Variants in ASTN2 observed in about 807,000 individuals in gnomAD.
ASTN2 encodes astrotactin 2.
Under a neutral mutation model 139.8 loss-of-function variants are expected in ASTN2, and 54 were observed. The observed-to-expected ratio is 0.39, with a 90% CI of 0.31 to 0.48. The LOEUF is 0.48. ASTN2 is among the 20% of genes least tolerant of loss of function. ASTN2 has a pLI of 0.95. For synonymous variants in ASTN2, 756 were observed against 719.5 expected (o/e 1.05, Z -0.81); for missense variants, 1,565 against 1,725.1 (o/e 0.91, Z 1.64).
intron 1 of ASTN2, among the ~76,000 whole-genome samples, chr9:117,412,560 T>G (rs1831197796): frequency 6.6e-6 from 1 of 152,152 alleles, no homozygotes; most frequent in African/African-American, 2.4e-5. Context: ...GGGGCACCTA[T>G]ACAGATGGTT....
chr9:117,400,040 T>C (rs575422578), intron 1 of ASTN2, among the ~76,000 whole-genome samples: 9 of 152,358 alleles, frequency 5.9e-5, no homozygotes, highest in African/African-American at 1.4e-4. Context: ...TGTAGGCACA[T>C]GGGATTCTGC....
chr9:117,234,843 T>A (rs1832998345), intron 2 of ASTN2, among the ~76,000 whole-genome samples: 1 of 152,196 alleles, frequency 6.6e-6, no homozygotes, highest in Non-Finnish European at 1.5e-5. Context: ...GTTTCCATTG[T>A]CAGACTCAAG....
intron 5 of ASTN2, among the ~76,000 whole-genome samples, chr9:117,052,581 C>T (rs887895405): frequency 2.0e-5 from 3 of 152,256 alleles, no homozygotes; most frequent in Non-Finnish European, 4.4e-5. Context: ...TGTTTGCACT[C>T]AAGAGACCAC....
At chr9:116,480,774 G>A (rs912266113) in intron 20 of ASTN2, among the ~76,000 whole-genome samples, 1 of 152,176 alleles carries the variant, frequency 6.6e-6, no homozygotes, top group Non-Finnish European at 1.5e-5. Flanking sequence ...TAGAGGCAAA[G>A]ACCTTGAGGA....
intron 2 of ASTN2, among the ~76,000 whole-genome samples, chr9:117,264,972 T>C (rs1181301018): frequency 1.3e-5 from 2 of 152,178 alleles, no homozygotes; most frequent in African/African-American, 4.8e-5. Flanking sequence ...AAGTAAGAAA[T>C]GTAGGCTCAG....
intron 20 of ASTN2, among the ~76,000 whole-genome samples, chr9:116,461,178 T>C (rs1848474803): frequency 6.6e-6 from 1 of 151,688 alleles, no homozygotes; most frequent in South Asian, 2.1e-4. Context: ...CCCAGCTTTA[T>C]TTTTCCTTCA....
intron 4 of ASTN2, among the ~76,000 whole-genome samples, chr9:117,120,790 G>A (rs1011161458): frequency 3.3e-5 from 5 of 152,330 alleles, no homozygotes; most frequent in East Asian, 1.9e-4. Flanking sequence ...GTCTCATCCT[G>A]TAGGTAATGG....
chr9:116,635,899 C>T (rs1857049924), intron 17 of ASTN2, among the ~76,000 whole-genome samples: 1 of 152,058 alleles, frequency 6.6e-6, no homozygotes, highest in African/African-American at 2.4e-5. Flanking sequence ...ACCCAGTTTC[C>T]AAGGGGCTGA....
Position 116,865,170 on chromosome 9 carries a change from T to C in ASTN2, c.1890-1437A>G, listed in dbSNP as rs543058397. Among the ~76,000 whole-genome samples the C allele has an allele frequency of 5.3e-5, 8 of 152,078 alleles. No individual in the cohort carries two copies. In the East Asian group the frequency reaches 1.6e-3, roughly 30 times the overall value. On this transcript the variant is annotated intron_variant, in intron 10 of 22. Transcript: ENST00000313400. ...TTGCCAAGCCCTCTTGGGAGATGCATCTAAAGATGGTGAGGAAGGGCTGGG... is the reference window on the plus strand; with the variant it reads ...TTGCCAAGCCCTCTTGGGAGATGCACCTAAAGATGGTGAGGAAGGGCTGGG...
rs1242392454 is a variant in ASTN2 at position 117,069,324 on chromosome 9, T to C, written c.1276+26720A>G. Reference sequence around the variant, plus strand: ...TTCCATGTAGTTGAGCGGCTTTGAGTGAGATTCTTAATCCTGAGTTCTAGT... The same window carrying C: ...TTCCATGTAGTTGAGCGGCTTTGAGCGAGATTCTTAATCCTGAGTTCTAGT... On this transcript the variant is annotated intron_variant, in intron 5 of 22. Coordinates refer to ENST00000313400, the MANE Select transcript of ASTN2 (RefSeq NM_001365068.1). Among the ~76,000 whole-genome samples the C allele has an allele frequency of 1.8e-5, 2 of 110,758 alleles. 1 individual carries two copies. Among genetic ancestry groups the C allele is most frequent in the African/African-American group, 7.8e-5 (2 of 25,508 alleles). The allele number at this position is 110,758 out of a possible 152,430, so 72.7% of individuals were successfully genotyped here. A position where few individuals can be genotyped will look rare whatever the true frequency, so the allele number is the denominator to read the frequency against.
At chr9:116,544,882 C>A (rs1852025769) in intron 19 of ASTN2, among the ~76,000 whole-genome samples, 1 of 152,140 alleles carries the variant, frequency 6.6e-6, no homozygotes, top group African/African-American at 2.4e-5. Context: ...CATAGGGATT[C>A]CCCCTTATTC....
chr9:116,781,348 G>T (rs1461851199), intron 13 of ASTN2, among the ~76,000 whole-genome samples: 1 of 152,080 alleles, frequency 6.6e-6, no homozygotes, highest in African/African-American at 2.4e-5. Flanking sequence ...CAGAAACAGG[G>T]AAAAACTGAA....
At chr9:117,348,230 A>G (rs560667680) in intron 1 of ASTN2, among the ~76,000 whole-genome samples, 2 of 152,276 alleles carry the variant, frequency 1.3e-5, no homozygotes, top group South Asian at 4.1e-4. Flanking sequence ...ATTCAAGGCA[A>G]TTTTCCAGGT....
chr9:117,238,421 G>C (rs1833110200), intron 2 of ASTN2, among the ~76,000 whole-genome samples: 1 of 152,152 alleles, frequency 6.6e-6, no homozygotes, highest in Non-Finnish European at 1.5e-5. Context: ...CAAAGCTTTG[G>C]TTTTCCTATC....
At chr9:116,852,372 G>T (rs948887779) in intron 11 of ASTN2, among the ~76,000 whole-genome samples, 1 of 152,172 alleles carries the variant, frequency 6.6e-6, no homozygotes, top group African/African-American at 2.4e-5. Context: ...CCCAGTTACA[G>T]GGATGGGATT....
intron 19 of ASTN2, among the ~76,000 whole-genome samples, chr9:116,608,512 T>C (rs1855332196): frequency 6.6e-6 from 1 of 152,052 alleles, no homozygotes; most frequent in Admixed American, 6.6e-5. Context: ...AAAAGCAAGA[T>C]CTAAAGGAAT....
intron 3 of ASTN2, among the ~76,000 whole-genome samples, chr9:117,142,665 A>C (rs1353725973): frequency 2.0e-5 from 3 of 152,216 alleles, no homozygotes; most frequent in Non-Finnish European, 1.5e-5. Context: ...TAAGGTCAGA[A>C]GGGCAGAGAG....
chr9:117,331,288 C>T (rs1210575967), intron 1 of ASTN2, among the ~76,000 whole-genome samples: 1 of 152,120 alleles, frequency 6.6e-6, no homozygotes, highest in Non-Finnish European at 1.5e-5. Flanking sequence ...TCCTGCCTTC[C>T]TCTTTCCCTT....
chr9:116,840,465 G>A (rs1253360630), intron 11 of ASTN2, among the ~76,000 whole-genome samples: 140 of 146,508 alleles, frequency 9.6e-4, no homozygotes, highest in Non-Finnish European at 1.8e-3. Flanking sequence ...GGGCAGAGGC[G>A]CCCCTCACCT....
Sources: allele counts gnomAD v4.1 joint callset (sites outside exome capture counted in the v4.1 genomes callset), GRCh38; gene constraint gnomAD v4.1.1; transcripts MANE v1.5; gene names NCBI Gene and HGNC (gene_info 2026-07-23, HGNC 2026-07-21).